The following MAGI2 variants were observed in gnomAD, a reference collection of about 807,000 sequenced individuals.
The protein encoded by MAGI2 is membrane-associated guanylate kinase, WW and PDZ domain-containing protein 2.
In MAGI2, 35 loss-of-function variants were observed where a neutral mutation model predicts 133.3. The ratio of observed to expected loss-of-function variants is 0.26; its 90% confidence interval spans 0.20 to 0.35. The LOEUF (loss-of-function observed/expected upper bound fraction) is 0.35. Ranked by LOEUF, MAGI2 falls within the 10% of genes least tolerant of loss-of-function variation. The pLI is 1.00. For synonymous variants in MAGI2, 729 were observed against 710.6 expected, an observed-to-expected ratio of 1.03 and a Z score of -0.41; for missense variants, 1,636 against 1,863.4, an observed-to-expected ratio of 0.88 and a Z score of 2.25.
chr7:79,407,365 G>T (rs946389066), intron 1 of MAGI2, among the ~76,000 whole-genome samples: 5 of 152,066 alleles, frequency 3.3e-5, no homozygotes, highest in Non-Finnish European at 5.9e-5. Context: ...TATTATCTCA[G>T]CTCCTAGCCT....
chr7:79,139,869 T>A (rs1001869461), intron 1 of MAGI2: 9 of 152,206 alleles, frequency 5.9e-5, no homozygotes, highest in African/African-American at 2.2e-4. Flanking sequence ...GTAAGCATGT[T>A]TCTTATTTAC....
At chr7:78,250,775 CT>C (rs1792304244) in intron 10 of MAGI2, among the ~76,000 whole-genome samples, 1 of 152,054 alleles carries the variant, frequency 6.6e-6, no homozygotes, top group African/African-American at 2.4e-5. Flanking sequence ...AAAGCTCAGA[CT>C]AGATGACTTC....
intron 1 of MAGI2, among the ~76,000 whole-genome samples, chr7:79,405,143 G>C (rs1227151258): frequency 6.6e-6 from 1 of 152,056 alleles, no homozygotes; most frequent in African/African-American, 2.4e-5. Flanking sequence ...TTGGAAAGTT[G>C]TATTTGCTAA....
intron 6 of MAGI2, among the ~76,000 whole-genome samples, chr7:78,482,890 CACA>C (rs1563065540): frequency 0.011 from 1,644 of 148,630 alleles, 20 homozygotes; most frequent in African/African-American, 0.031. Flanking sequence ...CACACACACA[CACA>C]CACACACACA....
intron 2 of MAGI2, among the ~76,000 whole-genome samples, chr7:78,985,531 G>A (rs1287786864): frequency 6.6e-6 from 1 of 151,954 alleles, no homozygotes; most frequent in Non-Finnish European, 1.5e-5. Context: ...AACCAACTGT[G>A]GGAGATGTGG....
At chr7:79,216,858 A>C (rs548477904) in intron 1 of MAGI2, among the ~76,000 whole-genome samples, 1 of 152,106 alleles carries the variant, frequency 6.6e-6, no homozygotes, top group Non-Finnish European at 1.5e-5. Flanking sequence ...ACATCCTGGT[A>C]GTTTTCTTCG....
At chr7:78,851,414 A>T (rs1055963451) in intron 2 of MAGI2, among the ~76,000 whole-genome samples, 4 of 151,982 alleles carry the variant, frequency 2.6e-5, no homozygotes, top group African/African-American at 9.7e-5. Context: ...TGTCTCAGAC[A>T]GTGACATATG....
chr7:79,039,823 AT>A (rs1811458257), intron 1 of MAGI2, among the ~76,000 whole-genome samples: 1 of 147,130 alleles, frequency 6.8e-6, no homozygotes, highest in Non-Finnish European at 1.5e-5. Flanking sequence ...ATATACATAT[AT>A]TTCATTGTAT....
chr7:78,270,100 C>T (rs1794415781), intron 9 of MAGI2, among the ~76,000 whole-genome samples: 1 of 151,938 alleles, frequency 6.6e-6, no homozygotes. Flanking sequence ...ATTTCTGGGG[C>T]CTCTGTTCTG....
At chr7:78,314,183 CAGA>C (rs1787168489) in intron 9 of MAGI2, among the ~76,000 whole-genome samples, 1 of 152,068 alleles carries the variant, frequency 6.6e-6, no homozygotes, top group African/African-American at 2.4e-5. Flanking sequence ...GGCATTAGCC[CAGA>C]AGAAGGCCTG....
At chr7:79,123,443 T>C (rs1820089063) in intron 1 of MAGI2, among the ~76,000 whole-genome samples, 1 of 152,148 alleles carries the variant, frequency 6.6e-6, no homozygotes, top group Non-Finnish European at 1.5e-5. Flanking sequence ...TTTTCTCTTT[T>C]GTAATGAGGA....
At chr7:79,152,760 A>G (rs750897454) in intron 1 of MAGI2, among the ~76,000 whole-genome samples, 3 of 152,202 alleles carry the variant, frequency 2.0e-5, no homozygotes, top group Non-Finnish European at 2.9e-5. Context: ...GGTGGAGTCC[A>G]TCCTTAACTT....
At chr7:78,298,724 C>T (rs1376701146) in intron 9 of MAGI2, among the ~76,000 whole-genome samples, 1 of 151,656 alleles carries the variant, frequency 6.6e-6, no homozygotes, top group African/African-American at 2.4e-5. Context: ...GGCTGGGTCT[C>T]CAACCCCTGA....
intron 1 of MAGI2, among the ~76,000 whole-genome samples, chr7:79,425,494 T>A (rs1847281270): frequency 6.6e-6 from 1 of 151,458 alleles, no homozygotes; most frequent in South Asian, 2.1e-4. Context: ...CTCTAGTACT[T>A]CCAGGCAATT....
intron 1 of MAGI2, among the ~76,000 whole-genome samples, chr7:79,357,718 T>C (rs902366520): frequency 6.6e-6 from 1 of 152,118 alleles, no homozygotes; most frequent in Non-Finnish European, 1.5e-5. Flanking sequence ...TGGAACCCCA[T>C]CACTTCCCAC....
At chr7:78,806,278 T>C (rs1199047116) in intron 2 of MAGI2, among the ~76,000 whole-genome samples, 4 of 151,826 alleles carry the variant, frequency 2.6e-5, no homozygotes, top group African/African-American at 4.8e-5. Context: ...TCTTCATAGA[T>C]AAAATGTGAA....
chr7:78,441,661 A>AG (rs1027397163), intron 6 of MAGI2, among the ~76,000 whole-genome samples: 4 of 151,610 alleles, frequency 2.6e-5, no homozygotes, highest in Non-Finnish European at 4.4e-5. Context: ...AAGGAAAAAA[A>AG]AAAGAAAGAA....
intron 1 of MAGI2, among the ~76,000 whole-genome samples, chr7:79,214,387 CTCTCTCTCTCTCTCTCTCTCTATATATA>C (rs1829784356): frequency 1.1e-5 from 1 of 91,762 alleles, no homozygotes; most frequent in African/African-American, 4.5e-5. Context: ...CTCTCTCTCT[CTCTCTCTCTCTCTCTCTCTCTATATATA>C]TATATATATA....
chr7:78,177,415 C>T (rs567360405), intron 14 of MAGI2, among the ~76,000 whole-genome samples: 24 of 76,906 alleles, frequency 3.1e-4, no homozygotes, highest in Admixed American at 1.4e-3. Context: ...ACTGTGAATA[C>T]GCGCACACAC....
Sources: gnomAD v4.1 joint callset for allele counts (sites outside exome capture counted in the v4.1 genomes callset) on GRCh38, gnomAD v4.1.1 for gene constraint, MANE v1.5 for transcripts, NCBI Gene and HGNC (gene_info 2026-07-23, HGNC 2026-07-21) for gene names.